Variants in DPH6 observed in about 807,000 individuals in gnomAD.
The protein encoded by DPH6 is diphthine--ammonia ligase.
In DPH6, 33 loss-of-function variants were observed where a neutral mutation model predicts 38.2. The observed-to-expected ratio is 0.86, with a 90% CI of 0.65 to 1.15. The LOEUF is 1.15. Among genes scored for constraint, DPH6 ranks in the 50% most tolerant of loss-of-function variants. DPH6 has a pLI of 0.00. For synonymous variants in DPH6, 108 were observed against 103.0 expected, an observed-to-expected ratio of 1.05 and a Z score of -0.30; for missense variants, 325 against 320.0, an observed-to-expected ratio of 1.02 and a Z score of -0.12.
At chr15:35,395,840 G>A (rs1348835514) in intron 6 of DPH6, among the ~76,000 whole-genome samples, 1 of 152,158 alleles carries the variant, frequency 6.6e-6, no homozygotes, top group Non-Finnish European at 1.5e-5. Context: ...TCTTATAGCA[G>A]TTAGCATAGA....
chr15:35,381,125 C>CCATT, intron 7 of DPH6, among the ~76,000 whole-genome samples: 1 of 152,224 alleles, frequency 6.6e-6, no homozygotes, highest in East Asian at 1.9e-4. Context: ...CTGAAGCCTT[C>CCATT]CATTCAATCA....
chr15:35,546,004 C>G, intron 1 of DPH6, 115 bp downstream of exon 1: 3 of 987,730 alleles, frequency 3.0e-6, no homozygotes, highest in Non-Finnish European at 4.0e-6. Flanking sequence ...GGAGGAGCCG[C>G]GGAACCCCCA....
At chr15:35,185,801 C>A in the DPH6 span, among the ~76,000 whole-genome samples, 2 of 141,128 alleles carry the variant, frequency 1.4e-5, no homozygotes, top group South Asian at 4.4e-4. Context: ...CTCAGCTCAT[C>A]GGCTCACTGC....
chr15:35,180,183 A>G, the DPH6 span, among the ~76,000 whole-genome samples: 1 of 152,168 alleles, frequency 6.6e-6, no homozygotes, highest in African/African-American at 2.4e-5. Context: ...ATGAATATAC[A>G]TTACTATACT....
chr15:35,227,487 ATCT>A (rs1304355131), intron 3 of DPH6, among the ~76,000 whole-genome samples: 1 of 151,764 alleles, frequency 6.6e-6, no homozygotes, highest in Non-Finnish European at 1.5e-5. Context: ...CTGGCCTAAC[ATCT>A]TCTTTTTCAT....
chr15:35,152,552 T>C, the DPH6 span, among the ~76,000 whole-genome samples: 1 of 152,140 alleles, frequency 6.6e-6, no homozygotes, highest in South Asian at 2.1e-4. Flanking sequence ...CAGGCTGGAG[T>C]GCAATAGTGC....
intron 6 of DPH6, among the ~76,000 whole-genome samples, chr15:35,398,465 C>T (rs1401914982): frequency 6.6e-6 from 1 of 152,126 alleles, no homozygotes; most frequent in Non-Finnish European, 1.5e-5. Flanking sequence ...AAAACCCGAA[C>T]GGACAGGGTT....
chr15:35,476,411 T>C (rs1211687703), intron 3 of DPH6, among the ~76,000 whole-genome samples: 4 of 151,842 alleles, frequency 2.6e-5, no homozygotes, highest in Non-Finnish European at 4.4e-5. Flanking sequence ...AAATGAAATA[T>C]GGTCTCACTT....
chr15:35,337,267 G>C (rs984512387), intron 3 of DPH6, among the ~76,000 whole-genome samples: 1 of 152,240 alleles, frequency 6.6e-6, no homozygotes, highest in Non-Finnish European at 1.5e-5. Context: ...ATGGTAGTTT[G>C]TATTTCTGTG....
chr15:35,317,293 G>A (rs2052199127), intron 3 of DPH6, among the ~76,000 whole-genome samples: 1 of 137,842 alleles, frequency 7.3e-6, no homozygotes, highest in Admixed American at 7.7e-5. Context: ...GAGAGAGAAA[G>A]AAAGAAGGAA....
chr15:35,545,787 G>A (rs1415168327), intron 1 of DPH6, among the ~76,000 whole-genome samples: 1 of 152,074 alleles, frequency 6.6e-6, no homozygotes, highest in African/African-American at 2.4e-5. Flanking sequence ...ATCAGACGCC[G>A]GGTCGCACAG....
At chr15:35,227,903 T>C (rs947984097) in intron 3 of DPH6, among the ~76,000 whole-genome samples, 1 of 152,184 alleles carries the variant, frequency 6.6e-6, no homozygotes, top group Admixed American at 6.5e-5. Context: ...TGTGAGCATA[T>C]TGTTTAATTT....
At chr15:35,354,053 G>C (rs896306699) in intron 3 of DPH6, among the ~76,000 whole-genome samples, 1 of 152,182 alleles carries the variant, frequency 6.6e-6, no homozygotes, top group Admixed American at 6.5e-5. Flanking sequence ...TTGTGAATGG[G>C]AGTTCACTCA....
At chr15:35,291,175 C>T (rs915865529) in intron 3 of DPH6, among the ~76,000 whole-genome samples, 8 of 152,004 alleles carry the variant, frequency 5.3e-5, no homozygotes, top group Non-Finnish European at 1.5e-5. Context: ...ATATATTAAA[C>T]ATTGGTTAGT....
chr15:35,279,068 A>AATATATATAT (rs1555390827), intron 3 of DPH6, among the ~76,000 whole-genome samples: 7 of 102,972 alleles, frequency 6.8e-5, no homozygotes, highest in East Asian at 7.1e-4. Context: ...AAAAAAAAAA[A>AATATATATAT]ATATATATAT....
chr15:35,268,219 A>AT (rs2051797132), intron 3 of DPH6, among the ~76,000 whole-genome samples: 1 of 148,994 alleles, frequency 6.7e-6, no homozygotes, highest in African/African-American at 2.5e-5. Flanking sequence ...AAATAAATAA[A>AT]AGAAAACTGA....
chr15:35,286,972 G>C (rs1374318768), intron 3 of DPH6, among the ~76,000 whole-genome samples: 1 of 152,094 alleles, frequency 6.6e-6, no homozygotes, highest in Non-Finnish European at 1.5e-5. Flanking sequence ...AGCAACAGGT[G>C]CCTTTTCTTT....
intron 1 of DPH6, 63 bp downstream of exon 1, chr15:35,546,056 C>T: frequency 7.7e-7 from 1 of 1,297,536 alleles, no homozygotes; most frequent in Non-Finnish European, 1.0e-6. Flanking sequence ...TCGGCGCTAG[C>T]GGCGGCTGGA....
chr15:35,273,403 T>C lies in DPH6; in HGVS notation n.201-52821A>G, dbSNP rs530474500. ...TAGCTTCCACTTATCAGTGAGAAAA[T>C]ACGATGTTTGGTTTTCCATTCCTGA... On this transcript the variant is annotated intron_variant and non_coding_transcript_variant, in intron 3 of 3. Transcript: ENST00000560386. 2.0e-5 allele frequency among the ~76,000 whole-genome samples: 3 copies of C among 152,284 alleles called. No individual in the cohort carries two copies. The South Asian group carries it at 6.2e-4, about 32-fold the overall frequency.
Sources: allele counts gnomAD v4.1 joint callset (sites outside exome capture counted in the v4.1 genomes callset), GRCh38; gene constraint gnomAD v4.1.1; transcripts MANE v1.5; gene names NCBI Gene and HGNC (gene_info 2026-07-23, HGNC 2026-07-21).